The following USP2 variants were observed in gnomAD, a reference collection of about 807,000 sequenced individuals.
The protein encoded by USP2 is ubiquitin specific peptidase 2, also known as ubiquitin carboxyl-terminal hydrolase 2.
In USP2, 33 loss-of-function variants were observed where a neutral mutation model predicts 72.0. That is an observed-to-expected ratio of 0.46 (90% CI 0.35 to 0.61). USP2 has a LOEUF of 0.61. Ranked by LOEUF, USP2 falls within the 20% of genes least tolerant of loss-of-function variation. The probability of loss-of-function intolerance (pLI) is 0.01; values close to 1 mark genes in which losing one functional copy is unlikely to be tolerated. For missense variants in USP2, 691 were observed against 797.8 expected (o/e 0.87, Z 1.61); for synonymous variants, 296 against 312.5 (o/e 0.95, Z 0.56).
intron 2 of USP2, among the ~76,000 whole-genome samples, chr11:119,369,632 T>C (rs1053396886): frequency 1.3e-5 from 2 of 152,204 alleles, no homozygotes; most frequent in African/African-American, 4.8e-5. Flanking sequence ...ATTTTATTGA[T>C]TTCACATTCC....
chr11:119,380,467 A>C (rs1951047310), intron 1 of USP2, among the ~76,000 whole-genome samples: 1 of 152,132 alleles, frequency 6.6e-6, no homozygotes, highest in African/African-American at 2.4e-5. Context: ...GGGAGGGCTC[A>C]GGATTCCAGG....
intron 1 of USP2, among the ~76,000 whole-genome samples, chr11:119,380,174 C>G (rs902842289): frequency 6.6e-6 from 1 of 151,978 alleles, no homozygotes; most frequent in Admixed American, 6.6e-5. Flanking sequence ...CTTGGCCTCC[C>G]AAAGTGCTGG....
At position 119,355,355 on chromosome 11, in the gene USP2, G is replaced by C. The variant is rs1473989577; in HGVS notation, c.*1480C>G. ...GGTCTTCTCTGGAGAAGGGTGTCAGGCCAGTAAAACTCAGGGTGTCTTTCT... is the reference window on the plus strand; with the variant it reads ...GGTCTTCTCTGGAGAAGGGTGTCAGCCCAGTAAAACTCAGGGTGTCTTTCT... On this transcript the variant is annotated 3_prime_UTR_variant, in exon 13 of 13. Coordinates refer to ENST00000260187, the MANE Select transcript of USP2 (RefSeq NM_004205.5). The C allele has an allele frequency of 6.6e-6, 1 of 152,238 alleles. No individual in the cohort carries two copies. Among genetic ancestry groups the C allele is most frequent in the Non-Finnish European group, 1.5e-5 (1 of 68,066 alleles). 9.4% of individuals were successfully genotyped at this position (152,238 alleles called of 1,614,324 possible).
Position 119,356,113 on chromosome 11 carries a change from G to A in USP2, c.*722C>T, listed in dbSNP as rs1383999332. The A allele has an allele frequency of 6.6e-6, 1 of 151,242 alleles. No individual in the cohort carries two copies. Among genetic ancestry groups the A allele is most frequent in the African/African-American group, 2.4e-5 (1 of 41,130 alleles). 9.4% of individuals were successfully genotyped at this position (151,242 alleles called of 1,614,324 possible). A position where few individuals can be genotyped will look rare whatever the true frequency, so the allele number is the denominator to read the frequency against. On this transcript the variant is annotated 3_prime_UTR_variant, in exon 13 of 13. Coordinates refer to ENST00000260187, the MANE Select transcript of USP2 (RefSeq NM_004205.5). ...TTGTTTTAGATCCCAGGTCTACTGT[G>A]GCTGTGCTTGGGGCCTGGCCAACGC... is the stretch of plus-strand genomic sequence containing the variant.
In USP2 at chr11:119,381,449, G is replaced by A. The variant is rs375500650; in HGVS notation, c.-42+24C>T. 240 of 1,535,710 alleles carry A rather than the reference G, an allele frequency of 1.6e-4. 1 individual carries two copies. The South Asian group carries it at 2.5e-3, about 16-fold the overall frequency. On this transcript the variant is annotated intron_variant, in intron 1 of 12. Transcript: ENST00000260187. Reference sequence around the variant, plus strand: ...CACTGATCCCCGAATCCCCCCTCCCGGATCCCCGACAGGTGGCACGTACCT... The same window carrying A: ...CACTGATCCCCGAATCCCCCCTCCCAGATCCCCGACAGGTGGCACGTACCT...
At chr11:119,376,229 CA>C (rs1298683773) in intron 1 of USP2, 1 of 985,584 alleles carries the variant, frequency 1.0e-6, no homozygotes, top group Admixed American at 6.1e-5. Flanking sequence ...ATTACCTGCA[CA>C]GCTGTCCCTG....
Position 119,373,297 on chromosome 11 carries a change from G to T in USP2, c.184C>A (p.Arg62Ser). 6.2e-7 allele frequency: 1 copy of T among 1,613,794 alleles called. No homozygotes were observed. Among genetic ancestry groups the T allele is most frequent in the Non-Finnish European group, 8.5e-7 (1 of 1,179,882 alleles). Residue 62 changes from arginine (R) to serine (S), a missense_variant, in exon 2 of 13, where the codon CGT (arginine) becomes AGT (serine). By Grantham distance (110) the Arg-to-Ser change is moderately radical (BLOSUM62 -1). Coordinates refer to ENST00000260187, the MANE Select transcript of USP2 (RefSeq NM_004205.5). Reference sequence around the variant, plus strand: ...GAGGAGGGGCCATAGGTACGGGGACGGGTGAGGAAGCTGCTGGTGGGGACC... The same window carrying T: ...GAGGAGGGGCCATAGGTACGGGGACTGGTGAGGAAGCTGCTGGTGGGGACC... ...KPVPTSSFLT[R>S]PRTYGPSSLL... is the part of the protein sequence containing the mutation.
rs1950649679 is a variant in USP2, at chr11:119,356,283, G to T, written c.*552C>A. 6.5e-6 allele frequency: 1 copy of T among 152,770 alleles called. No homozygotes were observed. Among genetic ancestry groups the T allele is most frequent in the Admixed American group, 6.5e-5 (1 of 15,302 alleles). The allele number at this position is 152,770 out of a possible 1,614,324, so 9.5% of individuals were successfully genotyped here. A position where few individuals can be genotyped will look rare whatever the true frequency, so the allele number is the denominator to read the frequency against. ...TAGTTATGGAAATTAAAAAAAAAAA[G>T]TTGGGCTTTTTAAAAACCAAAACCA... On this transcript the variant is annotated 3_prime_UTR_variant, in exon 13 of 13. Coordinates refer to ENST00000260187, the MANE Select transcript of USP2 (RefSeq NM_004205.5).
chr11:119,357,330 G>A lies in USP2; in HGVS notation c.1610-23C>T, dbSNP rs754350582. On this transcript the variant is annotated intron_variant, in intron 11 of 12. Transcript: ENST00000260187. The stretch of plus-strand genomic sequence containing the variant: ...GGTCTGAGGAGGAGGCAGCCGTCAA[G>A]CCCCCGAGGCCCCCCTGCCCCGACT... 6 of 1,612,690 alleles carry A rather than the reference G, an allele frequency of 3.7e-6. No individual in the cohort carries two copies. In the East Asian group the frequency reaches 1.1e-4, roughly 30 times the overall value.
At chr11:119,381,433 C>T in intron 1 of USP2, 40 bp downstream of exon 1, 2 of 1,534,468 alleles carry the variant, frequency 1.3e-6, no homozygotes, top group South Asian at 2.4e-5. Flanking sequence ...GCACTGATCC[C>T]CGAATCCCCC....
intron 2 of USP2, among the ~76,000 whole-genome samples, chr11:119,365,474 TAC>T (rs1950839734): frequency 6.6e-6 from 1 of 152,192 alleles, no homozygotes; most frequent in African/African-American, 2.4e-5. Context: ...TGGTGATCTC[TAC>T]AGTCACTGTC....
chr11:119,377,343 C>G (rs752307077), intron 1 of USP2, among the ~76,000 whole-genome samples: 3 of 152,158 alleles, frequency 2.0e-5, no homozygotes, highest in Admixed American at 6.5e-5. Flanking sequence ...CTCCATGGGA[C>G]GGGTCAGGAC....
intron 7 of USP2, 89 bp downstream of exon 7, chr11:119,358,684 C>A: frequency 6.8e-7 from 1 of 1,477,842 alleles, no homozygotes; most frequent in Non-Finnish European, 9.4e-7. Flanking sequence ...CAGGCTTCCC[C>A]GGGAGAGTGA....
At chr11:119,378,814 C>A (rs1951030208) in intron 1 of USP2, among the ~76,000 whole-genome samples, 2 of 152,168 alleles carry the variant, frequency 1.3e-5, no homozygotes, top group African/African-American at 2.4e-5. Flanking sequence ...AGGGGAGAGC[C>A]CCGGTCTCCT....
At chr11:119,360,804 G>GC (rs1455152449) in intron 2 of USP2, among the ~76,000 whole-genome samples, 2 of 152,030 alleles carry the variant, frequency 1.3e-5, no homozygotes, top group African/African-American at 4.8e-5. Context: ...GTATCTCCCT[G>GC]CCCCCCATCT....
intron 1 of USP2, among the ~76,000 whole-genome samples, chr11:119,375,865 A>G (rs144301997): frequency 1.8e-4 from 27 of 152,320 alleles, no homozygotes; most frequent in African/African-American, 5.8e-4. Flanking sequence ...AACGAGGTCC[A>G]GAGGACAGGG....
chr11:119,363,122 G>A (rs1260575280), intron 2 of USP2, among the ~76,000 whole-genome samples: 2 of 152,356 alleles, frequency 1.3e-5, no homozygotes, highest in African/African-American at 4.8e-5. Flanking sequence ...CAGCTAGGAA[G>A]CCTGGTGTGG....
intron 1 of USP2, among the ~76,000 whole-genome samples, chr11:119,375,799 G>A (rs961187737): frequency 2.4e-4 from 37 of 152,110 alleles, no homozygotes; most frequent in Admixed American, 2.2e-3. Flanking sequence ...TTCGGGCAGC[G>A]CCCCAAGCCC....
At position 119,365,987 on chromosome 11, in the gene USP2, C is replaced by T. The variant is rs552662850; in HGVS notation, c.775-5753G>A. Among the ~76,000 whole-genome samples the T allele has an allele frequency of 6.1e-4, 93 of 152,018 alleles. 2 individuals are homozygous for T. The South Asian group carries it at 0.018, about 30-fold the overall frequency. ...TCGGCTCACTGCAACCTCTGCCTCC[C>T]GGGTTCAAACAATTCTCCTGCCTCA... On this transcript the variant is annotated intron_variant, in intron 2 of 12. Transcript: ENST00000260187.
Sources: gnomAD v4.1 joint callset for allele counts (sites outside exome capture counted in the v4.1 genomes callset) on GRCh38, gnomAD v4.1.1 for gene constraint, MANE v1.5 for transcripts, NCBI Gene and HGNC (gene_info 2026-07-23, HGNC 2026-07-21) for gene names.